The following COL24A1 variants were observed in gnomAD, a reference collection of about 807,000 sequenced individuals.
COL24A1 encodes the protein collagen alpha-1(XXIV) chain.
In COL24A1, 224 loss-of-function variants were observed where a neutral mutation model predicts 253.9. That is an observed-to-expected ratio of 0.88 (90% confidence interval 0.79 to 0.99). The LOEUF (loss-of-function observed/expected upper bound fraction) is 0.99, where lower values mean the gene tolerates loss of function less well. Ranked by LOEUF, COL24A1 falls within the 50% of genes least tolerant of loss-of-function variation. The probability of loss-of-function intolerance (pLI) is 0.00; values close to 1 mark genes in which losing one functional copy is unlikely to be tolerated. For missense variants in COL24A1, 2,131 were observed against 2,068.5 expected (o/e 1.03, Z -0.59); for synonymous variants, 685 against 673.7 (o/e 1.02, Z -0.26).
chr1:85,783,313 T>C (rs1669327140), intron 51 of COL24A1, among the ~76,000 whole-genome samples, 183 bp downstream of exon 51: 1 of 151,942 alleles, frequency 6.6e-6, no homozygotes, highest in Non-Finnish European at 1.5e-5. Context: ...GTCTATGAGG[T>C]ATTTTGCTCA....
intron 53 of COL24A1, among the ~76,000 whole-genome samples, chr1:85,766,021 T>C (rs1667328856): frequency 6.6e-6 from 1 of 152,102 alleles, no homozygotes; most frequent in Non-Finnish European, 1.5e-5. Context: ...ACATGTTATC[T>C]GCTAGGTTTC....
intron 24 of COL24A1, among the ~76,000 whole-genome samples, chr1:85,940,917 G>C (rs1024046366): frequency 6.6e-6 from 1 of 152,102 alleles, no homozygotes; most frequent in Admixed American, 6.6e-5. Context: ...CACTAAATTT[G>C]CCTGGCAATG....
At chr1:85,855,901 T>G (rs180988324) in intron 37 of COL24A1, among the ~76,000 whole-genome samples, 4 of 152,326 alleles carry the variant, frequency 2.6e-5, no homozygotes, top group Admixed American at 2.6e-4. Context: ...GGGTTTCAGT[T>G]TCTTCCTGGT....
chr1:85,947,686 G>A (rs1303223071), intron 24 of COL24A1, among the ~76,000 whole-genome samples: 1 of 152,190 alleles, frequency 6.6e-6, no homozygotes, highest in African/African-American at 2.4e-5. Context: ...CAAGTGGCAT[G>A]TATCACATTA....
Position 86,102,205 on chromosome 1 carries a change from C to T in COL24A1, c.1600-9885G>A, listed in dbSNP as rs114128692. Among the ~76,000 whole-genome samples the T allele has an allele frequency of 4.6e-3, 705 of 151,958 alleles. 2 individuals are homozygous for T. Among genetic ancestry groups the T allele is most frequent in the African/African-American group, 0.016 (669 of 41,464 alleles). ...TGTTTATAATATTCTCTGATGGTTA[C>T]TTGTATTTCTGTGAGGTCAGTGGTA... On this transcript the variant is annotated intron_variant, in intron 5 of 59. Coordinates refer to ENST00000370571, the MANE Select transcript of COL24A1 (RefSeq NM_152890.7).
intron 37 of COL24A1, among the ~76,000 whole-genome samples, chr1:85,857,249 A>G (rs545906569): frequency 1.2e-4 from 19 of 152,184 alleles, no homozygotes; most frequent in African/African-American, 2.9e-4. Context: ...CGATTCCTAT[A>G]TGATGTAGAT....
At chr1:85,769,722 G>A (rs960059737) in intron 53 of COL24A1, among the ~76,000 whole-genome samples, 13 of 152,114 alleles carry the variant, frequency 8.5e-5, no homozygotes, top group African/African-American at 3.1e-4. Flanking sequence ...GTCCTACCAG[G>A]ACATAGGTTC....
intron 37 of COL24A1, among the ~76,000 whole-genome samples, chr1:85,854,737 G>T (rs890269227): frequency 6.7e-6 from 1 of 149,012 alleles, no homozygotes; most frequent in Non-Finnish European, 1.5e-5. Flanking sequence ...ATAAAGTCTC[G>T]CTCTGTCACC....
intron 7 of COL24A1, among the ~76,000 whole-genome samples, chr1:86,074,627 T>C (rs1170516511): frequency 6.6e-6 from 1 of 152,194 alleles, no homozygotes; most frequent in African/African-American, 2.4e-5. Context: ...TCTACAGAAC[T>C]CTGCACCCCA....
intron 7 of COL24A1, among the ~76,000 whole-genome samples, chr1:86,070,309 A>C (rs1701786175): frequency 6.6e-6 from 1 of 152,202 alleles, no homozygotes; most frequent in African/African-American, 2.4e-5. Flanking sequence ...ACAGAATAAA[A>C]AACAATGAAG....
chr1:85,811,295 C>T, intron 47 of COL24A1, among the ~76,000 whole-genome samples: 1 of 152,066 alleles, frequency 6.6e-6, no homozygotes, highest in Admixed American at 6.6e-5. Context: ...GTAAAAATAC[C>T]TTTAATGATG....
chr1:86,002,523 C>A (rs1695525613), intron 19 of COL24A1, among the ~76,000 whole-genome samples: 1 of 152,212 alleles, frequency 6.6e-6, no homozygotes, highest in South Asian at 2.1e-4. Context: ...TAGTCACTTA[C>A]AGTTTTCCTG....
rs1160863949 is a variant in COL24A1 at position 86,125,921 on chromosome 1, G to A, written c.415C>T (p.Pro139Ser). 2 of 1,613,238 alleles carry A rather than the reference G, an allele frequency of 1.2e-6. No individual in the cohort carries two copies. The change falls in exon 3 of 60, where the codon CCT becomes TCT. Residue 139 changes from proline to serine, a missense_variant. Transcript: ENST00000370571. ...NRLQLGVQLL[P>S]KKLVVHIRGK... Reference sequence around the variant, plus strand: ...CTAATGTGTACTACTAATTTTTTAGGTAGTAATTGTACTCCTAATTGCAGT... The same window carrying A: ...CTAATGTGTACTACTAATTTTTTAGATAGTAATTGTACTCCTAATTGCAGT...
chr1:85,994,708 G>A (rs781196799), intron 19 of COL24A1, among the ~76,000 whole-genome samples: 13 of 152,102 alleles, frequency 8.5e-5, no homozygotes, highest in Non-Finnish European at 1.8e-4. Flanking sequence ...ATTTCAAAAG[G>A]CAAATGTAAT....
At chr1:85,966,701 A>C (rs1383760091) in intron 22 of COL24A1, among the ~76,000 whole-genome samples, 1 of 152,150 alleles carries the variant, frequency 6.6e-6, no homozygotes, top group Non-Finnish European at 1.5e-5. Flanking sequence ...GAGTAATAAG[A>C]GGACTTTGAG....
chr1:86,037,867 T>G (rs956314142), intron 12 of COL24A1, among the ~76,000 whole-genome samples: 1 of 152,198 alleles, frequency 6.6e-6, no homozygotes, highest in African/African-American at 2.4e-5. Flanking sequence ...TAATGTTCAA[T>G]ATAAGTCTAC....
intron 12 of COL24A1, among the ~76,000 whole-genome samples, chr1:86,042,294 T>A (rs549820175): frequency 6.6e-6 from 1 of 152,268 alleles, no homozygotes; most frequent in South Asian, 2.1e-4. Flanking sequence ...TAACTATTTT[T>A]AAATAATCTT....
At chr1:86,132,316 G>A (rs1311190113) in intron 2 of COL24A1, among the ~76,000 whole-genome samples, 2 of 152,118 alleles carry the variant, frequency 1.3e-5, no homozygotes, top group African/African-American at 2.4e-5. Context: ...TCTGTAGGTT[G>A]CCTGTTCACT....
intron 24 of COL24A1, chr1:85,960,811 G>A (rs552488036): frequency 6.1e-6 from 1 of 164,292 alleles, no homozygotes; most frequent in African/African-American, 2.4e-5. Context: ...TTGAACCCGG[G>A]AGGCAGAGGA....
Sources: gnomAD v4.1 joint callset for allele counts (sites outside exome capture counted in the v4.1 genomes callset) on GRCh38, gnomAD v4.1.1 for gene constraint, MANE v1.5 for transcripts, NCBI Gene and HGNC (gene_info 2026-07-23, HGNC 2026-07-21) for gene names.